PRDM5: variants seen among roughly 807,000 people sequenced by gnomAD.
The protein encoded by PRDM5 is PR domain zinc finger protein 5.
A neutral mutation model predicts 81.2 loss-of-function variants in PRDM5; 56 were observed. That is an observed-to-expected ratio of 0.69 (90% CI 0.56 to 0.86). The LOEUF (loss-of-function observed/expected upper bound fraction) is 0.86, where lower values mean the gene tolerates loss of function less well. Among genes scored for constraint, PRDM5 ranks in the 40% least tolerant of loss-of-function variants. The pLI is 0.00. For missense variants in PRDM5, 697 were observed against 770.1 expected, an observed-to-expected ratio of 0.91 and a Z score of 1.12; for synonymous variants, 267 against 256.4, an observed-to-expected ratio of 1.04 and a Z score of -0.39.
intron 8 of PRDM5, among the ~76,000 whole-genome samples, chr4:120,800,331 C>A (rs1751959014): frequency 6.6e-6 from 1 of 152,092 alleles, no homozygotes; most frequent in African/African-American, 2.4e-5. Context: ...GCCTGGACAA[C>A]AAAGTGAGAC....
chr4:120,858,757 C>T (rs1311869035), intron 2 of PRDM5, among the ~76,000 whole-genome samples: 2 of 152,068 alleles, frequency 1.3e-5, no homozygotes, highest in Non-Finnish European at 2.9e-5. Flanking sequence ...ATAACTGTTT[C>T]TTTACTAAAT....
At chr4:120,732,976 T>G (rs1740485472) in intron 14 of PRDM5, among the ~76,000 whole-genome samples, 1 of 152,262 alleles carries the variant, frequency 6.6e-6, no homozygotes, top group Non-Finnish European at 1.5e-5. Context: ...GCATTGTATT[T>G]TGTTCTAGCT....
intron 7 of PRDM5, among the ~76,000 whole-genome samples, chr4:120,813,214 A>G (rs1249060331): frequency 6.6e-6 from 1 of 152,248 alleles, no homozygotes; most frequent in Non-Finnish European, 1.5e-5. Context: ...GCAATCAAAC[A>G]TTATTAAATG....
At chr4:120,788,386 T>C (rs1384010578) in intron 10 of PRDM5, among the ~76,000 whole-genome samples, 2 of 152,126 alleles carry the variant, frequency 1.3e-5, no homozygotes, top group African/African-American at 2.4e-5. Context: ...CAGGAAGACA[T>C]TCTACAAAAC....
At chr4:120,769,248 G>T (rs1450892840) in intron 13 of PRDM5, among the ~76,000 whole-genome samples, 2 of 152,104 alleles carry the variant, frequency 1.3e-5, no homozygotes, top group African/African-American at 2.4e-5. Flanking sequence ...AAAAAGTAAG[G>T]TATCAGTTAT....
chr4:120,922,470 G>T, intron 1 of PRDM5, 46 bp downstream of exon 1: 1 of 1,470,282 alleles, frequency 6.8e-7, no homozygotes. Flanking sequence ...GGAGGCACAG[G>T]GCGCGCGAGG....
Position 120,790,954 on chromosome 4 carries a change from C to CA in PRDM5, c.1189-5864dup, listed in dbSNP as rs1313048201. On this transcript the variant is annotated intron_variant, in intron 10 of 15. Transcript: ENST00000264808. ...CAAGACCTTGTCAAAAACAAACAAA[C>CA]AAAAAAACAGAAAAACACACATACA... Among the ~76,000 whole-genome samples, 7 of 145,808 alleles carry CA rather than the reference C, an allele frequency of 4.8e-5. No homozygotes were observed. The East Asian group carries it at 6.1e-4, about 13-fold the overall frequency.
At chr4:120,766,862 C>T (rs1257934630) in intron 13 of PRDM5, among the ~76,000 whole-genome samples, 8 of 152,180 alleles carry the variant, frequency 5.3e-5, no homozygotes, top group Non-Finnish European at 8.8e-5. Context: ...GCCTTGTGCA[C>T]ACTTGCCACA....
intron 3 of PRDM5, among the ~76,000 whole-genome samples, chr4:120,836,053 G>T (rs186718516): frequency 2.4e-4 from 37 of 152,190 alleles, no homozygotes; most frequent in African/African-American, 8.7e-4. Context: ...GGCAGAGAAC[G>T]TTGGAGGTAA....
downstream of PRDM5, among the ~76,000 whole-genome samples, chr4:120,690,919 C>T (rs1171446878): frequency 6.6e-6 from 1 of 152,048 alleles, no homozygotes; most frequent in African/African-American, 2.4e-5. Flanking sequence ...TTAGTTTCCT[C>T]CTACCATGTA....
intron 14 of PRDM5, among the ~76,000 whole-genome samples, chr4:120,734,243 C>CTTTG (rs373854525): frequency 6.6e-6 from 1 of 150,862 alleles, no homozygotes; most frequent in East Asian, 1.9e-4. Flanking sequence ...TGGGGGAGGG[C>CTTTG]TTTGTTTGTT....
chr4:120,847,780 T>A (rs1409806871), intron 3 of PRDM5, among the ~76,000 whole-genome samples: 1 of 152,100 alleles, frequency 6.6e-6, no homozygotes, highest in Non-Finnish European at 1.5e-5. Context: ...CTAATAAACG[T>A]GACTGACAGA....
chr4:120,885,291 T>TA (rs1763318902), intron 2 of PRDM5, among the ~76,000 whole-genome samples: 1 of 152,086 alleles, frequency 6.6e-6, no homozygotes, highest in Non-Finnish European at 1.5e-5. Flanking sequence ...ACCTACCTGA[T>TA]ACCTGCCACT....
chr4:120,748,092 A>G (rs1012278712), intron 14 of PRDM5, among the ~76,000 whole-genome samples: 1 of 152,242 alleles, frequency 6.6e-6, no homozygotes, highest in African/African-American at 2.4e-5. Flanking sequence ...CAATAAAAAC[A>G]TAAGTTCTAT....
intron 10 of PRDM5, among the ~76,000 whole-genome samples, chr4:120,797,130 T>C (rs950125041): frequency 6.6e-6 from 1 of 152,066 alleles, no homozygotes. Flanking sequence ...TAGGACACTA[T>C]ATTAATAACT....
chr4:120,918,439 C>A (rs1356603876), intron 1 of PRDM5, among the ~76,000 whole-genome samples: 1 of 152,188 alleles, frequency 6.6e-6, no homozygotes. Context: ...CTGATCAACA[C>A]AACACCTTAT....
chr4:120,840,438 G>A (rs2149390878), intron 3 of PRDM5, among the ~76,000 whole-genome samples: 1 of 152,178 alleles, frequency 6.6e-6, no homozygotes, highest in East Asian at 1.9e-4. Context: ...GCCCTGGGCA[G>A]CCCCACGCAG....
chr4:120,739,905 T>A (rs1456593670), intron 14 of PRDM5, among the ~76,000 whole-genome samples: 1 of 152,086 alleles, frequency 6.6e-6, no homozygotes, highest in Non-Finnish European at 1.5e-5. Context: ...AGTGGGTTGA[T>A]GACCATCAGA....
chr4:120,818,310 G>A (rs1348041725), intron 5 of PRDM5, 43 bp downstream of exon 5: 1 of 1,577,068 alleles, frequency 6.3e-7, no homozygotes, highest in Non-Finnish European at 8.7e-7. Flanking sequence ...GGAATAAACT[G>A]TGTTAGCTTA....
Sources: allele counts gnomAD v4.1 joint callset (sites outside exome capture counted in the v4.1 genomes callset), GRCh38; gene constraint gnomAD v4.1.1; transcripts MANE v1.5; gene names NCBI Gene and HGNC (gene_info 2026-07-23, HGNC 2026-07-21).